Variants in STUM observed in about 807,000 individuals in gnomAD.
The protein encoded by STUM is protein stum homolog.
Under a neutral mutation model 15.3 loss-of-function variants are expected in STUM, and 8 were observed. That is an observed-to-expected ratio of 0.52 (90% CI 0.31 to 0.94). The LOEUF (loss-of-function observed/expected upper bound fraction) is 0.94. Among genes scored for constraint, STUM ranks in the 40% least tolerant of loss-of-function variants. The probability of loss-of-function intolerance (pLI) is 0.05; values close to 1 mark genes in which losing one functional copy is unlikely to be tolerated. For missense variants in STUM, 142 were observed against 204.9 expected (o/e 0.69, Z 1.87); for synonymous variants, 78 against 88.7 (o/e 0.88, Z 0.68).
chr1:226,557,577 ATAATTCG>A (rs1667466441), intron 1 of STUM, among the ~76,000 whole-genome samples: 1 of 152,220 alleles, frequency 6.6e-6, no homozygotes, highest in African/African-American at 2.4e-5. Context: ...TAATGGTCCT[ATAATTCG>A]CATTCTCACC....
intron 1 of STUM, among the ~76,000 whole-genome samples, chr1:226,578,740 C>T (rs907503957): frequency 6.6e-6 from 1 of 152,140 alleles, no homozygotes; most frequent in African/African-American, 2.4e-5. Flanking sequence ...CCCACAGCCA[C>T]CCCTGCAGCG....
intron 1 of STUM, among the ~76,000 whole-genome samples, chr1:226,569,608 T>G (rs1667674877): frequency 6.6e-6 from 1 of 152,232 alleles, no homozygotes; most frequent in Non-Finnish European, 1.5e-5. Context: ...TCAGAGATTC[T>G]GACTCAATAT....
chr1:226,584,094 G>C (rs1040791203), intron 1 of STUM, among the ~76,000 whole-genome samples: 8 of 152,172 alleles, frequency 5.3e-5, no homozygotes, highest in Non-Finnish European at 1.2e-4. Context: ...TCTGCTCCAT[G>C]ATGTGTGGGG....
intron 1 of STUM, among the ~76,000 whole-genome samples, chr1:226,580,480 T>C (rs1667901537): frequency 6.6e-6 from 1 of 151,978 alleles, no homozygotes; most frequent in Admixed American, 6.5e-5. Context: ...CCTGAGGGCT[T>C]CAACATTTCA....
intron 1 of STUM, among the ~76,000 whole-genome samples, chr1:226,593,123 T>C (rs566825382): frequency 4.0e-5 from 6 of 149,450 alleles, no homozygotes; most frequent in Non-Finnish European, 8.9e-5. Flanking sequence ...GAGGTGGAGG[T>C]TGCAGTGAGC....
chr1:226,572,045 G>A (rs1228598127), intron 1 of STUM, among the ~76,000 whole-genome samples: 1 of 152,166 alleles, frequency 6.6e-6, no homozygotes, highest in African/African-American at 2.4e-5. Flanking sequence ...ACACTGGCAT[G>A]GACAGGTGGT....
rs778500935 is a variant in STUM at position 226,549,157 on chromosome 1, G to A, written c.202+51G>A. On this transcript the variant is annotated intron_variant, in intron 1 of 3. Transcript: ENST00000366788. This position sits in a 1 kb window ranked among gnomAD's most constrained non-coding sequence, Gnocchi z 6.8. Reference sequence around the variant, plus strand: ...GCGACCCCCACCCCGCCGCGGGAGGGCGTGGGGGGAGAGAAGGGCGCGGCC... The same window carrying A: ...GCGACCCCCACCCCGCCGCGGGAGGACGTGGGGGGAGAGAAGGGCGCGGCC... 2.0e-5 allele frequency: 30 copies of A among 1,498,774 alleles called. No individual in the cohort carries two copies. Among genetic ancestry groups the A allele is most frequent in the Non-Finnish European group, 2.7e-5 (30 of 1,110,282 alleles). The allele number at this position is 1,498,774 out of a possible 1,614,324, so 92.8% of individuals were successfully genotyped here.
At chr1:226,573,870 C>T (rs1426837165) in intron 1 of STUM, among the ~76,000 whole-genome samples, 2 of 149,024 alleles carry the variant, frequency 1.3e-5, no homozygotes, top group Non-Finnish European at 1.5e-5. Context: ...GAGTCTTGCT[C>T]TGTCGCCAGG....
At chr1:226,577,007 C>G (rs1667827422) in intron 1 of STUM, among the ~76,000 whole-genome samples, 1 of 152,264 alleles carries the variant, frequency 6.6e-6, no homozygotes, top group South Asian at 2.1e-4. Flanking sequence ...CCCTCCTGGT[C>G]TAAGCACCTG....
chr1:226,556,742 A>G (rs752468868), intron 1 of STUM, among the ~76,000 whole-genome samples: 1 of 152,238 alleles, frequency 6.6e-6, no homozygotes, highest in South Asian at 2.1e-4. Flanking sequence ...CCGCTTGGGC[A>G]TCTGACAAAG....
chr1:226,597,071 C>T, intron 2 of STUM, 90 bp downstream of exon 2: 1 of 1,254,462 alleles, frequency 8.0e-7, no homozygotes, highest in Non-Finnish European at 1.2e-6. Context: ...GGCCGAGGTC[C>T]TGCTCACCCG....
intron 1 of STUM, among the ~76,000 whole-genome samples, chr1:226,570,376 G>A (rs1667688113): frequency 6.6e-6 from 1 of 152,204 alleles, no homozygotes; most frequent in Non-Finnish European, 1.5e-5. Context: ...AAGCACATTG[G>A]CAGTGTCAGA....
At chr1:226,557,553 C>T (rs1462009556) in intron 1 of STUM, among the ~76,000 whole-genome samples, 1 of 152,210 alleles carries the variant, frequency 6.6e-6, no homozygotes, top group African/African-American at 2.4e-5. Context: ...GAGCCATCTC[C>T]ATACTATTTT....
rs1035623742 is a variant in STUM, at chr1:226,565,017, A to T, written c.202+15911A>T. ...TCTGGACCCGAGGAGGCCGACCTCT[A>T]CGGCCTGCATCACCAGTCCCCTTGC... On this transcript the variant is annotated intron_variant, in intron 1 of 3. Transcript: ENST00000366788. This position sits in a 1 kb window ranked among gnomAD's most constrained non-coding sequence, Gnocchi z 4.4. Among the ~76,000 whole-genome samples the T allele has an allele frequency of 6.6e-6, 1 of 152,132 alleles. No homozygotes were observed. Among genetic ancestry groups the T allele is most frequent in the African/African-American group, 2.4e-5 (1 of 41,422 alleles).
intron 2 of STUM, among the ~76,000 whole-genome samples, chr1:226,599,153 T>C (rs1187131436): frequency 6.6e-6 from 1 of 152,054 alleles, no homozygotes. Context: ...CCACAACACA[T>C]AGGAATTGTG....
chr1:226,585,875 T>C (rs533653511), intron 1 of STUM, among the ~76,000 whole-genome samples: 1 of 152,342 alleles, frequency 6.6e-6, no homozygotes, highest in East Asian at 1.9e-4. Flanking sequence ...GTAGCTTAAA[T>C]AGCAGACATT....
intron 1 of STUM, among the ~76,000 whole-genome samples, chr1:226,559,635 T>G (rs1667504634): frequency 6.6e-6 from 1 of 152,170 alleles, no homozygotes; most frequent in Non-Finnish European, 1.5e-5. Flanking sequence ...TCCGGAACAA[T>G]GTTATTGAGA....
intron 2 of STUM, among the ~76,000 whole-genome samples, chr1:226,599,790 C>G (rs1668237372): frequency 6.6e-6 from 1 of 152,242 alleles, no homozygotes. Flanking sequence ...TGGGCTCTTT[C>G]TACTGCCATG....
chr1:226,589,820 C>T (rs1044866211), intron 1 of STUM, among the ~76,000 whole-genome samples: 1 of 152,146 alleles, frequency 6.6e-6, no homozygotes, highest in Non-Finnish European at 1.5e-5. Context: ...AGCCGTTGGA[C>T]AGAGTGAAAG....
Sources: gnomAD v4.1 joint callset for allele counts (sites outside exome capture counted in the v4.1 genomes callset) on GRCh38, gnomAD v4.1.1 for gene constraint, Gnocchi (gnomAD v3.1) non-coding constraint, MANE v1.5 for transcripts, NCBI Gene and HGNC (gene_info 2026-07-23, HGNC 2026-07-21) for gene names.